Variants in UBE3A observed in about 807,000 individuals in gnomAD.
UBE3A encodes ubiquitin-protein ligase E3A.
A neutral mutation model predicts 83.4 loss-of-function variants in UBE3A; 6 were observed. The ratio of observed to expected loss-of-function variants is 0.07; its 90% CI spans 0.04 to 0.14. UBE3A has a LOEUF of 0.14. Among genes scored for constraint, UBE3A ranks in the 10% least tolerant of loss-of-function variants. The pLI is 1.00. For missense variants in UBE3A, 456 were observed against 1,036.1 expected (o/e 0.44, Z 7.69); for synonymous variants, 337 against 355.4 (o/e 0.95, Z 0.58).
chr15:25,425,642 T>G (rs1891105937), intron 1 of UBE3A, among the ~76,000 whole-genome samples: 3 of 152,170 alleles, frequency 2.0e-5, no homozygotes, highest in African/African-American at 7.2e-5. Context: ...TAACAACTGT[T>G]AAGTTTTAGA....
At chr15:25,366,287 C>G (rs1385944693) in intron 6 of UBE3A, among the ~76,000 whole-genome samples, 1 of 152,128 alleles carries the variant, frequency 6.6e-6, no homozygotes, top group Non-Finnish European at 1.5e-5. Flanking sequence ...TAGTGCAGCA[C>G]AGAATAATCT....
rs565336262 is a variant in UBE3A, at chr15:25,395,592, T to G, written c.62+9869A>C. On this transcript the variant is annotated intron_variant, in intron 4 of 12. Transcript: ENST00000648336. ...GCTGTTATTGACTGAGATGGCAAAA[T>G]ATTATGAGAGACGTAGGTTTGGGAT... 7.9e-5 allele frequency among the ~76,000 whole-genome samples: 12 copies of G among 152,206 alleles called. No homozygotes were observed. In the South Asian group the frequency reaches 1.0e-3, roughly 13 times the overall value.
intron 1 of UBE3A, among the ~76,000 whole-genome samples, chr15:25,426,028 A>G (rs367910265): frequency 1.8e-5 from 1 of 55,710 alleles, no homozygotes; most frequent in African/African-American, 3.5e-5. Context: ...GGGTTCTTTG[A>G]AATTTTTTTT....
chr15:25,429,004 T>C (rs943222467), intron 1 of UBE3A, among the ~76,000 whole-genome samples: 1 of 152,186 alleles, frequency 6.6e-6, no homozygotes, highest in Non-Finnish European at 1.5e-5. Context: ...ATGCATAAAA[T>C]GAAGTGCCAT....
chr15:25,438,945 T>G lies in UBE3A; in HGVS notation c.-621A>C, dbSNP rs1895997803. ...GGCGAAGGGAAAAGGCCCCGTCGTC[T>G]CCTGTAGTCACCCCGAGCCCAGCGC... is the stretch of plus-strand genomic sequence containing the variant. On this transcript the variant is annotated 5_prime_UTR_variant, in exon 1 of 13. Transcript: ENST00000648336. The G allele has an allele frequency of 6.6e-6, 1 of 152,040 alleles. No individual in the cohort carries two copies. The highest frequency in any genetic ancestry group is 1.5e-5 in the Non-Finnish European group (1 of 68,036). The allele number at this position is 152,040 out of a possible 1,614,324, so 9.4% of individuals were successfully genotyped here.
rs1311350320 is a variant in UBE3A at position 25,417,317 on chromosome 15, CCAG to C, written c.-164-5349_-164-5347del. On this transcript the variant is annotated intron_variant, in intron 1 of 12. Transcript: ENST00000648336. ...TGTAGCCCTGAAGGGATAAAACTGACCAGCAAGTTATTTAGGTGGCTACAAAAC... is the reference window on the plus strand; with the variant it reads ...TGTAGCCCTGAAGGGATAAAACTGACCAAGTTATTTAGGTGGCTACAAAAC... 3.3e-5 allele frequency among the ~76,000 whole-genome samples: 5 copies of C among 151,978 alleles called. No homozygotes were observed. The East Asian group carries it at 7.7e-4, about 23-fold the overall frequency.
At chr15:25,339,918 T>C (rs2074448404) in intron 12 of UBE3A, 167 bp downstream of exon 12, 1 of 897,248 alleles carries the variant, frequency 1.1e-6, no homozygotes, top group Non-Finnish European at 1.7e-6. Flanking sequence ...CTTAAAAGTT[T>C]CCTCACACAA....
chr15:25,406,562 T>TA (rs1189471060), intron 3 of UBE3A, among the ~76,000 whole-genome samples: 1 of 152,022 alleles, frequency 6.6e-6, no homozygotes, highest in African/African-American at 2.4e-5. Context: ...CCAAACTAGA[T>TA]AAAAAATGTT....
At chr15:25,406,172 A>T (rs1389969282) in intron 3 of UBE3A, among the ~76,000 whole-genome samples, 1 of 152,192 alleles carries the variant, frequency 6.6e-6, no homozygotes, top group African/African-American at 2.4e-5. Context: ...CTAAAATCTA[A>T]TACCTTGGTA....
At chr15:25,418,306 A>G (rs1284964988) in intron 1 of UBE3A, 1 of 152,184 alleles carries the variant, frequency 6.6e-6, no homozygotes, top group African/African-American at 2.4e-5. Flanking sequence ...AGAAAAAAGA[A>G]ACATATATGT....
intron 1 of UBE3A, among the ~76,000 whole-genome samples, chr15:25,426,470 A>C (rs945725680): frequency 6.6e-5 from 10 of 152,208 alleles, no homozygotes; most frequent in Non-Finnish European, 1.2e-4. Flanking sequence ...TGCACACACA[A>C]AAGACTTATA....
intron 1 of UBE3A, among the ~76,000 whole-genome samples, chr15:25,436,762 A>G (rs568217525): frequency 3.7e-4 from 57 of 152,004 alleles, no homozygotes; most frequent in Admixed American, 1.2e-3. Context: ...CAGCCATGGG[A>G]AAAAAAAGGG....
intron 11 of UBE3A, among the ~76,000 whole-genome samples, chr15:25,351,198 C>T (rs2076441720): frequency 6.6e-6 from 1 of 152,026 alleles, no homozygotes; most frequent in African/African-American, 2.4e-5. Context: ...TATTTATATA[C>T]ATGTATACAG....
chr15:25,367,327 T>A (rs202133984), intron 6 of UBE3A, among the ~76,000 whole-genome samples: 3 of 148,596 alleles, frequency 2.0e-5, no homozygotes, highest in East Asian at 4.1e-4. Context: ...ATATTTATAT[T>A]AAAAATGTAA....
chr15:25,371,899 C>A lies in UBE3A; in HGVS notation c.362-87G>T. 2.3e-6 allele frequency: 3 copies of A among 1,288,242 alleles called. No homozygotes were observed. The highest frequency in any genetic ancestry group is 1.4e-5 in the South Asian group (1 of 73,002). The allele number at this position is 1,288,242 out of a possible 1,614,324, so 79.8% of individuals were successfully genotyped here. On this transcript the variant is annotated intron_variant, in intron 5 of 12. Transcript: ENST00000648336. The surrounding 1 kb of genome is among the most constrained non-coding windows in gnomAD (Gnocchi z 5.3). ...CAAAAAGTTCTAAAAGTAAAACAGC[C>A]AAACATTCTAGGCTCAATATCATTT...
intron 4 of UBE3A, among the ~76,000 whole-genome samples, chr15:25,395,513 T>C (rs562478532): frequency 1.3e-5 from 2 of 152,136 alleles, no homozygotes; most frequent in South Asian, 4.1e-4. Flanking sequence ...GTATGTGACA[T>C]AGAGAAATTA....
intron 6 of UBE3A, among the ~76,000 whole-genome samples, chr15:25,366,959 A>T (rs2719880): frequency 0.045 from 6,762 of 151,278 alleles, 168 homozygotes; most frequent in Non-Finnish European, 0.059. Context: ...TTATTTATTT[A>T]TTTTTTTTAA....
chr15:25,351,799 A>T (rs1384919724), intron 11 of UBE3A, among the ~76,000 whole-genome samples: 2 of 152,204 alleles, frequency 1.3e-5, no homozygotes, highest in Non-Finnish European at 1.5e-5. Context: ...GCTTAGAGAC[A>T]TCTTTCCAAA....
chr15:25,369,391 C>T (rs1337073411), intron 6 of UBE3A, among the ~76,000 whole-genome samples: 1 of 129,356 alleles, frequency 7.7e-6, no homozygotes, highest in African/African-American at 2.9e-5. Flanking sequence ...AAAAAAAACA[C>T]ACAAAATCTC....
Sources: gnomAD v4.1 joint callset for allele counts (sites outside exome capture counted in the v4.1 genomes callset) on GRCh38, gnomAD v4.1.1 for gene constraint, Gnocchi (gnomAD v3.1) non-coding constraint, MANE v1.5 for transcripts, NCBI Gene and HGNC (gene_info 2026-07-23, HGNC 2026-07-21) for gene names.